Variants in ADK observed in about 807,000 individuals in gnomAD.
ADK encodes adenosine kinase, also known as N6,N6-dimethyladenosine kinase.
In ADK, 24 loss-of-function variants were observed where a neutral mutation model predicts 44.7. That is an observed-to-expected ratio of 0.54 (90% CI 0.39 to 0.76). ADK has a LOEUF of 0.76. Ranked by LOEUF, ADK falls within the 30% of genes least tolerant of loss-of-function variation. ADK has a pLI of 0.00. For synonymous variants in ADK, 128 were observed against 142.6 expected (o/e 0.90, Z 0.73); for missense variants, 321 against 425.1 (o/e 0.76, Z 2.15).
chr10:74,576,262 A>T (rs1033721461), intron 7 of ADK, among the ~76,000 whole-genome samples: 1 of 152,168 alleles, frequency 6.6e-6, no homozygotes, highest in African/African-American at 2.4e-5. Context: ...CAAATTCTAA[A>T]ATATCGATGA....
chr10:74,261,230 T>G (rs1846025375), intron 3 of ADK, among the ~76,000 whole-genome samples: 1 of 152,226 alleles, frequency 6.6e-6, no homozygotes, highest in South Asian at 2.1e-4. Flanking sequence ...TAGCCTTGTT[T>G]ATTCATTTGC....
rs59635944 is a variant in ADK at position 74,293,165 on chromosome 10, C to CAA, written c.195-21475_195-21474dup. 4.0e-3 allele frequency among the ~76,000 whole-genome samples: 317 copies of CAA among 79,094 alleles called. 1 individual carries two copies. Among genetic ancestry groups the CAA allele is most frequent in the South Asian group, 7.4e-3 (15 of 2,030 alleles). The allele number at this position is 79,094 out of a possible 152,430, so 51.9% of individuals were successfully genotyped here. Reference sequence around the variant, plus strand: ...CCCGTGACTGATTGAAACCCTGTCTCAAAAAAAAAAAAAAAAAAAAAAAAA... The same window carrying CAA: ...CCCGTGACTGATTGAAACCCTGTCTCAAAAAAAAAAAAAAAAAAAAAAAAAAA... On this transcript the variant is annotated intron_variant, in intron 3 of 10. Transcript: ENST00000539909.
At chr10:74,372,283 T>C in intron 4 of ADK, 1 of 762,038 alleles carries the variant, frequency 1.3e-6, no homozygotes, top group Non-Finnish European at 2.4e-6. Context: ...TCTGAAGGTG[T>C]GCAGGTGCCC....
chr10:74,259,078 A>G (rs1845940668), intron 3 of ADK, among the ~76,000 whole-genome samples: 3 of 150,420 alleles, frequency 2.0e-5, no homozygotes, highest in Admixed American at 2.0e-4. Context: ...TAGCCTCCCA[A>G]GTAGCTGGGA....
intron 7 of ADK, among the ~76,000 whole-genome samples, chr10:74,548,172 T>G (rs564102613): frequency 7.9e-5 from 12 of 152,234 alleles, no homozygotes; most frequent in Non-Finnish European, 1.5e-4. Context: ...ATAATTTATT[T>G]TCATTAGTCT....
chr10:74,579,457 C>T (rs1287589959), intron 7 of ADK, among the ~76,000 whole-genome samples: 2 of 152,090 alleles, frequency 1.3e-5, no homozygotes, highest in Non-Finnish European at 2.9e-5. Flanking sequence ...TATCCTCCCT[C>T]CTCAAACAAT....
At chr10:74,360,643 C>T (rs1437543189) in intron 4 of ADK, among the ~76,000 whole-genome samples, 1 of 151,892 alleles carries the variant, frequency 6.6e-6, no homozygotes, top group African/African-American at 2.4e-5. Flanking sequence ...TATATATTTA[C>T]TATTGTTATA....
chr10:74,642,824 GTTCT>G (rs1853916536), intron 9 of ADK, among the ~76,000 whole-genome samples: 1 of 119,578 alleles, frequency 8.4e-6, no homozygotes, highest in Non-Finnish European at 1.7e-5. Context: ...AAAATCTTAA[GTTCT>G]TTTTTTTTTT....
At chr10:74,343,324 G>A (rs954409290) in intron 4 of ADK, among the ~76,000 whole-genome samples, 49 of 151,950 alleles carry the variant, frequency 3.2e-4, no homozygotes, top group African/African-American at 1.2e-3. Flanking sequence ...AGCCTTACCA[G>A]TAACATAAAG....
At chr10:74,430,005 C>A (rs1844927617) in intron 6 of ADK, among the ~76,000 whole-genome samples, 1 of 152,128 alleles carries the variant, frequency 6.6e-6, no homozygotes, top group African/African-American at 2.4e-5. Flanking sequence ...CCTCAAACAA[C>A]CTTATTAGAT....
chr10:74,225,946 C>G (rs1844518159), intron 3 of ADK, among the ~76,000 whole-genome samples: 1 of 152,114 alleles, frequency 6.6e-6, no homozygotes, highest in Non-Finnish European at 1.5e-5. Context: ...AGTCCTTAGA[C>G]TATGACCAAT....
rs533270398 is a variant in ADK, at chr10:74,202,679, T to C, written c.140+1841T>C. Among the ~76,000 whole-genome samples the C allele has an allele frequency of 3.3e-5, 5 of 152,354 alleles. No individual in the cohort carries two copies. The South Asian group carries it at 1.0e-3, about 32-fold the overall frequency. ...TGAGTGGGTGTGAAATGATGTCTCA[T>C]TGTGATTTTGATTTGCATTTTTCTA... On this transcript the variant is annotated intron_variant, in intron 2 of 10. Transcript: ENST00000539909.
At chr10:74,468,719 G>C (rs1424792609) in intron 6 of ADK, among the ~76,000 whole-genome samples, 1 of 152,024 alleles carries the variant, frequency 6.6e-6, no homozygotes, top group East Asian at 1.9e-4. Flanking sequence ...TTTTATTATA[G>C]AAAACTTTTA....
At chr10:74,581,557 A>G (rs538921315) in intron 7 of ADK, among the ~76,000 whole-genome samples, 3 of 152,304 alleles carry the variant, frequency 2.0e-5, no homozygotes, top group African/African-American at 7.2e-5. Context: ...GTAAACCCAC[A>G]AATCCAAAAA....
At chr10:74,646,750 G>A (rs1327750449) in intron 9 of ADK, among the ~76,000 whole-genome samples, 5 of 152,176 alleles carry the variant, frequency 3.3e-5, no homozygotes, top group Admixed American at 3.3e-4. Context: ...AAAAAATGAA[G>A]GAAAACAATA....
intron 6 of ADK, among the ~76,000 whole-genome samples, chr10:74,437,999 A>G (rs1433576290): frequency 6.6e-6 from 1 of 152,184 alleles, no homozygotes; most frequent in African/African-American, 2.4e-5. Flanking sequence ...TATAACCTTC[A>G]ACATTCAACT....
At chr10:74,676,657 C>G (rs142839792) in intron 10 of ADK, among the ~76,000 whole-genome samples, 1 of 152,088 alleles carries the variant, frequency 6.6e-6, no homozygotes, top group African/African-American at 2.4e-5. Flanking sequence ...CAGAGTCTCA[C>G]TCTGTTACCC....
intron 10 of ADK, among the ~76,000 whole-genome samples, chr10:74,673,019 G>A (rs1855244109): frequency 6.6e-6 from 1 of 152,192 alleles, no homozygotes; most frequent in Non-Finnish European, 1.5e-5. Flanking sequence ...TTAGAACTGA[G>A]AACCACAGAC....
intron 3 of ADK, among the ~76,000 whole-genome samples, chr10:74,297,632 T>C (rs931381540): frequency 2.6e-5 from 4 of 152,246 alleles, no homozygotes; most frequent in Admixed American, 6.5e-5. Context: ...AGCTGTGGGC[T>C]AAATTTGTCC....
Sources: allele counts gnomAD v4.1 joint callset (sites outside exome capture counted in the v4.1 genomes callset), GRCh38; gene constraint gnomAD v4.1.1; transcripts MANE v1.5; gene names NCBI Gene and HGNC (gene_info 2026-07-23, HGNC 2026-07-21).